TAOK1: variants seen among roughly 807,000 people sequenced by gnomAD.
TAOK1 encodes the protein serine/threonine-protein kinase TAO1.
Under a neutral mutation model 138.3 loss-of-function variants are expected in TAOK1, and 21 were observed. That is an observed-to-expected ratio of 0.15 (90% CI 0.11 to 0.22). The LOEUF is 0.22. Among genes scored for constraint, TAOK1 ranks in the 10% least tolerant of loss-of-function variants. The probability of loss-of-function intolerance (pLI) is 1.00; values close to 1 mark genes in which losing one functional copy is unlikely to be tolerated. For missense variants in TAOK1, 651 were observed against 1,227.7 expected (o/e 0.53, Z 7.02); for synonymous variants, 361 against 398.4 (o/e 0.91, Z 1.12).
intron 3 of TAOK1, among the ~76,000 whole-genome samples, chr17:29,469,844 T>C (rs1292563069): frequency 6.6e-6 from 1 of 152,206 alleles, no homozygotes. Flanking sequence ...CCTTCCAGAT[T>C]ATTCAAATTT....
intron 19 of TAOK1, among the ~76,000 whole-genome samples, chr17:29,540,154 T>G (rs561163596): frequency 6.6e-6 from 1 of 152,280 alleles, no homozygotes; most frequent in East Asian, 1.9e-4. Flanking sequence ...AAGAAGAGTT[T>G]GAAAATTGTT....
intron 3 of TAOK1, among the ~76,000 whole-genome samples, chr17:29,470,390 C>G (rs1238616242): frequency 6.6e-6 from 1 of 152,098 alleles, no homozygotes; most frequent in South Asian, 2.1e-4. Flanking sequence ...TAATTATTCA[C>G]TAGCATTTTA....
rs949495473 is a variant in TAOK1, at chr17:29,547,334, G to A, written c.*4312G>A. 2.6e-5 allele frequency: 4 copies of A among 152,096 alleles called. No individual in the cohort carries two copies. The highest frequency in any genetic ancestry group is 9.7e-5 in the African/African-American group (4 of 41,424). 9.4% of individuals were successfully genotyped at this position (152,096 alleles called of 1,614,324 possible). On this transcript the variant is annotated 3_prime_UTR_variant, in exon 20 of 20. Coordinates refer to ENST00000261716, the MANE Select transcript of TAOK1 (RefSeq NM_020791.4). Reference sequence around the variant, plus strand: ...GTAAAATCAACAGGAAATGGCCACTGGGAGAGAAGGATTTGGTATTGGGTG... The same window carrying A: ...GTAAAATCAACAGGAAATGGCCACTAGGAGAGAAGGATTTGGTATTGGGTG...
chr17:29,492,550 T>C (rs1033051494), intron 10 of TAOK1, among the ~76,000 whole-genome samples: 1 of 152,110 alleles, frequency 6.6e-6, no homozygotes, highest in African/African-American at 2.4e-5. Context: ...CCCAGCACTT[T>C]GGGAGGCTGA....
intron 17 of TAOK1, among the ~76,000 whole-genome samples, chr17:29,528,839 CAAAAAAAAAA>C (rs58073512): frequency 2.9e-5 from 2 of 69,404 alleles, no homozygotes; most frequent in Admixed American, 2.1e-4. Context: ...GACTCCGTCT[CAAAAAAAAAA>C]AAAAAAAAAA....
At chr17:29,486,827 T>G (rs2031183051) in intron 8 of TAOK1, among the ~76,000 whole-genome samples, 1 of 152,186 alleles carries the variant, frequency 6.6e-6, no homozygotes, top group Non-Finnish European at 1.5e-5. Flanking sequence ...AAAGGCTTGG[T>G]GACCAAGAGG....
chr17:29,533,300 G>A (rs956918123), intron 18 of TAOK1, among the ~76,000 whole-genome samples: 5 of 148,102 alleles, frequency 3.4e-5, no homozygotes, highest in Admixed American at 6.7e-5. Context: ...GGGAAGAGGC[G>A]CTCCTCACTT....
chr17:29,461,777 G>A (rs1317371283), intron 2 of TAOK1, among the ~76,000 whole-genome samples: 2 of 151,648 alleles, frequency 1.3e-5, no homozygotes, highest in African/African-American at 4.8e-5. Context: ...TGCTGATTTA[G>A]GGGGCCAGGA....
At position 29,551,235 on chromosome 17, in the gene TAOK1, C is replaced by T. The variant is rs898332889; in HGVS notation, c.*8213C>T. On this transcript the variant is annotated 3_prime_UTR_variant, in exon 20 of 20. Coordinates refer to ENST00000261716, the MANE Select transcript of TAOK1 (RefSeq NM_020791.4). ...GGTTATCAGCTAACTGATATGCTAT[C>T]ATTGAGGTTCATCAATGAATTTGTA... is the stretch of plus-strand genomic sequence containing the variant. 4 of 152,166 alleles carry T rather than the reference C, an allele frequency of 2.6e-5. No homozygotes were observed. The highest frequency in any genetic ancestry group is 9.7e-5 in the African/African-American group (4 of 41,426). The allele number at this position is 152,166 out of a possible 1,614,324, so 9.4% of individuals were successfully genotyped here. A position where few individuals can be genotyped will look rare whatever the true frequency, so the allele number is the denominator to read the frequency against.
At chr17:29,438,924 T>TAAAATG (rs1906120915) in intron 1 of TAOK1, among the ~76,000 whole-genome samples, 1 of 152,218 alleles carries the variant, frequency 6.6e-6, no homozygotes, top group Non-Finnish European at 1.5e-5. Flanking sequence ...GCAAGTCTAG[T>TAAAATG]AAAATGAATA....
Position 29,551,581 on chromosome 17 carries a change from G to C in TAOK1, c.*8559G>C, listed in dbSNP as rs1444778162. 1 of 152,612 alleles carries C rather than the reference G, an allele frequency of 6.6e-6. No individual in the cohort carries two copies. 9.5% of individuals were successfully genotyped at this position (152,612 alleles called of 1,614,324 possible). On this transcript the variant is annotated 3_prime_UTR_variant, in exon 20 of 20. Coordinates refer to ENST00000261716, the MANE Select transcript of TAOK1 (RefSeq NM_020791.4). ...TATCAAGGGTTGCATTGGGGAAGAA[G>C]CCTCTCCCTCTCTGTCAGCACCAGC...
At chr17:29,447,645 T>A in intron 1 of TAOK1, among the ~76,000 whole-genome samples, 1 of 150,982 alleles carries the variant, frequency 6.6e-6, no homozygotes. Context: ...GGCCTTTTTA[T>A]TTTATTTTAT....
At chr17:29,500,327 A>G (rs2031500979) in intron 12 of TAOK1, among the ~76,000 whole-genome samples, 1 of 152,038 alleles carries the variant, frequency 6.6e-6, no homozygotes, top group South Asian at 2.1e-4. Context: ...AAAACAAACA[A>G]ACAAAAAATA....
intron 15 of TAOK1, among the ~76,000 whole-genome samples, chr17:29,515,577 T>C (rs1252597712): frequency 1.3e-5 from 2 of 152,108 alleles, no homozygotes; most frequent in African/African-American, 4.8e-5. Flanking sequence ...GGCTCACACG[T>C]GTAATCCCAG....
Position 29,482,630 on chromosome 17 carries a change from C to T in TAOK1, c.655+342C>T, listed in dbSNP as rs1472812142. 2.6e-5 allele frequency among the ~76,000 whole-genome samples: 4 copies of T among 151,874 alleles called. No individual in the cohort carries two copies. The East Asian group carries it at 7.7e-4, about 29-fold the overall frequency. ...AGCTATAGAAGATCTGTAAGCCATTCATAACTAGCTGGGGTAGTTACTACT... is the reference window on the plus strand; with the variant it reads ...AGCTATAGAAGATCTGTAAGCCATTTATAACTAGCTGGGGTAGTTACTACT... On this transcript the variant is annotated intron_variant, in intron 8 of 19. Coordinates refer to ENST00000261716, the MANE Select transcript of TAOK1 (RefSeq NM_020791.4).
At chr17:29,397,680 T>TATATTCATGTATG (rs1219479194) in intron 1 of TAOK1, among the ~76,000 whole-genome samples, 12 of 143,750 alleles carry the variant, frequency 8.3e-5, no homozygotes, top group African/African-American at 2.1e-4. Flanking sequence ...TGTATACATG[T>TATATTCATGTATG]ATACATGTAT....
chr17:29,420,586 T>G (rs1459289778), intron 1 of TAOK1, among the ~76,000 whole-genome samples: 2 of 23,424 alleles, frequency 8.5e-5, no homozygotes, highest in South Asian at 1.6e-3. Context: ...ACTTAATCTG[T>G]TTTTTTTTTT....
intron 3 of TAOK1, among the ~76,000 whole-genome samples, chr17:29,471,870 C>A (rs1417602626): frequency 2.0e-5 from 3 of 152,228 alleles, no homozygotes; most frequent in Non-Finnish European, 4.4e-5. Flanking sequence ...AACTCTGTTA[C>A]TGCTTTATCA....
In TAOK1 at chr17:29,495,549, A is replaced by G; in HGVS notation, c.832-11A>G. 1.3e-6 allele frequency: 2 copies of G among 1,563,496 alleles called. No individual in the cohort carries two copies. The highest frequency in any genetic ancestry group is 8.7e-7 in the Non-Finnish European group (1 of 1,151,832). On this transcript the variant is annotated splice_polypyrimidine_tract_variant and intron_variant, in intron 10 of 19. Coordinates refer to ENST00000261716, the MANE Select transcript of TAOK1 (RefSeq NM_020791.4). Reference sequence around the variant, plus strand: ...AAAAAAAATCAACCTTTTACCTTCTACCCTATCTAGCACATATTTGTTCTT... The same window carrying G: ...AAAAAAAATCAACCTTTTACCTTCTGCCCTATCTAGCACATATTTGTTCTT...
Sources: gnomAD v4.1 joint callset for allele counts (sites outside exome capture counted in the v4.1 genomes callset) on GRCh38, gnomAD v4.1.1 for gene constraint, MANE v1.5 for transcripts, NCBI Gene and HGNC (gene_info 2026-07-23, HGNC 2026-07-21) for gene names.